Variants in UBE2R2 observed in about 807,000 individuals in gnomAD.
UBE2R2 encodes the protein ubiquitin conjugating enzyme E2 R2.
In UBE2R2, 1 loss-of-function variant was observed where a neutral mutation model predicts 27.8. The observed-to-expected ratio is 0.04, with a 90% CI of 0.01 to 0.17. The LOEUF (loss-of-function observed/expected upper bound fraction) is 0.17, where lower values mean the gene tolerates loss of function less well. UBE2R2 is among the 10% of genes least tolerant of loss of function. The pLI is 1.00. For synonymous variants in UBE2R2, 106 were observed against 113.3 expected, an observed-to-expected ratio of 0.94 and a Z score of 0.41; for missense variants, 100 against 291.0, an observed-to-expected ratio of 0.34 and a Z score of 4.78.
chr9:33,835,152 T>G (rs1003985651), intron 1 of UBE2R2, among the ~76,000 whole-genome samples: 1 of 148,690 alleles, frequency 6.7e-6, no homozygotes, highest in Non-Finnish European at 1.5e-5. Flanking sequence ...TAGGTTTTTT[T>G]TTTTTTTTTT....
Position 33,840,044 on chromosome 9 carries a change from T to C in UBE2R2, c.177+22110T>C, listed in dbSNP as rs529242791. On this transcript the variant is annotated intron_variant, in intron 1 of 4. Transcript: ENST00000263228. ...TTATAAGCCACCCAGTTTATGACTT[T>C]TGGTATAGCAGCTTGAATGAACTAA... 3.9e-5 allele frequency among the ~76,000 whole-genome samples: 6 copies of C among 152,326 alleles called. No individual in the cohort carries two copies. In the East Asian group the frequency reaches 1.2e-3, roughly 29 times the overall value.
In UBE2R2 at chr9:33,912,027, C is replaced by T. The variant is rs192077739; in HGVS notation, c.426C>T (p.Val142=). Residue 142 remains valine, a synonymous_variant, in exon 4 of 5, where the codon GTC becomes GTT. Transcript: ENST00000263228. The part of the protein sequence containing the change: ...NEPNTFSPAN[V]DASVMFRKWR... ...CCAACACCTTCTCCCCAGCCAATGTCGATGCTTCAGTTATGTTCAGGAAAT... is the reference window on the plus strand; with the variant it reads ...CCAACACCTTCTCCCCAGCCAATGTTGATGCTTCAGTTATGTTCAGGAAAT... 37 of 1,613,270 alleles carry T rather than the reference C, an allele frequency of 2.3e-5. No individual in the cohort carries two copies. The highest frequency in any genetic ancestry group is 9.9e-5 in the South Asian group (9 of 91,040).
chr9:33,916,700 C>T (rs1181798664), intron 4 of UBE2R2, among the ~76,000 whole-genome samples: 1 of 152,226 alleles, frequency 6.6e-6, no homozygotes, highest in African/African-American at 2.4e-5. Context: ...ATTCTTAAGT[C>T]GCCGACCTAT....
At chr9:33,893,982 T>G (rs991915230) in intron 2 of UBE2R2, among the ~76,000 whole-genome samples, 13 of 152,124 alleles carry the variant, frequency 8.5e-5, no homozygotes, top group African/African-American at 3.1e-4. Flanking sequence ...TTCCTGTTAG[T>G]GCTGGGATTA....
intron 1 of UBE2R2, among the ~76,000 whole-genome samples, chr9:33,839,885 A>ACCCC (rs900591281): frequency 6.6e-6 from 1 of 152,022 alleles, no homozygotes; most frequent in African/African-American, 2.4e-5. Context: ...AATCTTAGCT[A>ACCCC]CTTGGGAGGC....
At chr9:33,822,036 T>TA (rs929651938) in intron 1 of UBE2R2, among the ~76,000 whole-genome samples, 34 of 152,052 alleles carry the variant, frequency 2.2e-4, no homozygotes, top group African/African-American at 7.7e-4. Flanking sequence ...GTTGTATACT[T>TA]AAAGTTTTCC....
At chr9:33,867,177 C>T (rs767275242) in intron 1 of UBE2R2, among the ~76,000 whole-genome samples, 5 of 152,068 alleles carry the variant, frequency 3.3e-5, no homozygotes, top group African/African-American at 7.2e-5. Flanking sequence ...CGTGAACCAC[C>T]GTGCCCGGCC....
chr9:33,902,236 G>T (rs1322067471), intron 3 of UBE2R2, among the ~76,000 whole-genome samples: 1 of 152,064 alleles, frequency 6.6e-6, no homozygotes, highest in Non-Finnish European at 1.5e-5. Flanking sequence ...TTTTTGTAAA[G>T]ATGGGGTCTC....
rs1281513364 is a variant in UBE2R2, at chr9:33,850,174, T to C, written c.177+32240T>C. 3.3e-5 allele frequency among the ~76,000 whole-genome samples: 5 copies of C among 152,166 alleles called. No homozygotes were observed. In the East Asian group the frequency reaches 7.7e-4, roughly 23 times the overall value. On this transcript the variant is annotated intron_variant, in intron 1 of 4. Coordinates refer to ENST00000263228, the MANE Select transcript of UBE2R2 (RefSeq NM_017811.4). ...TGGGGCATGGCAAGCAGAAACTAAATATGCTATCAGAACAAGAATTTTGGA... is the reference window on the plus strand; with the variant it reads ...TGGGGCATGGCAAGCAGAAACTAAACATGCTATCAGAACAAGAATTTTGGA...
chr9:33,827,391 A>G (rs1044314147), intron 1 of UBE2R2, among the ~76,000 whole-genome samples: 1 of 152,244 alleles, frequency 6.6e-6, no homozygotes, highest in Admixed American at 6.5e-5. Flanking sequence ...CTGTAATCCC[A>G]GCACTTTGGG....
Position 33,817,711 on chromosome 9 carries a change from G to A in UBE2R2, c.-47G>A. ...GCCTGGTCCGGCCCGGCCGGTGCGT[G>A]AGGACTGGGGCCCGGGCCCGGCGCC... is the stretch of plus-strand genomic sequence containing the variant. On this transcript the variant is annotated 5_prime_UTR_variant, in exon 1 of 5. Coordinates refer to ENST00000263228, the MANE Select transcript of UBE2R2 (RefSeq NM_017811.4). The A allele has an allele frequency of 2.1e-6, 3 of 1,410,978 alleles. No individual in the cohort carries two copies. The highest frequency in any genetic ancestry group is 2.8e-6 in the Non-Finnish European group (3 of 1,082,830). The allele number at this position is 1,410,978 out of a possible 1,614,324, so 87.4% of individuals were successfully genotyped here.
At chr9:33,823,722 G>T (rs1367214084) in intron 1 of UBE2R2, among the ~76,000 whole-genome samples, 1 of 152,138 alleles carries the variant, frequency 6.6e-6, no homozygotes, top group Non-Finnish European at 1.5e-5. Flanking sequence ...TTGAGACAGG[G>T]ATTCTTTTGA....
chr9:33,895,765 TCTC>T (rs796374587), intron 2 of UBE2R2, among the ~76,000 whole-genome samples: 2,114 of 128,288 alleles, frequency 0.016, 70 homozygotes, highest in African/African-American at 0.059. Flanking sequence ...TCTCTCTCTC[TCTC>T]TTTTTTTTTT....
chr9:33,895,287 T>G (rs972320169), intron 2 of UBE2R2, among the ~76,000 whole-genome samples: 3 of 152,234 alleles, frequency 2.0e-5, no homozygotes, highest in African/African-American at 7.2e-5. Flanking sequence ...GTTGTCCCAC[T>G]ACCATTTATT....
chr9:33,854,845 GGTA>G (rs1743959067), intron 1 of UBE2R2, among the ~76,000 whole-genome samples: 1 of 151,224 alleles, frequency 6.6e-6, no homozygotes, highest in African/African-American at 2.4e-5. Flanking sequence ...TAGCCTCCTG[GGTA>G]GCTGGGACTA....
chr9:33,858,352 A>G (rs10971743), intron 1 of UBE2R2, among the ~76,000 whole-genome samples: 30,028 of 152,166 alleles, frequency 0.2, 3,248 homozygotes, highest in South Asian at 0.33. Context: ...GTAGAGAACA[A>G]TAAGTGTATT....
chr9:33,897,244 G>C (rs527674872), intron 2 of UBE2R2, among the ~76,000 whole-genome samples: 74 of 149,950 alleles, frequency 4.9e-4, no homozygotes, highest in African/African-American at 1.7e-3. Flanking sequence ...CACCATGTTA[G>C]CCAGGATGGT....
intron 1 of UBE2R2, among the ~76,000 whole-genome samples, chr9:33,851,251 C>A (rs186698144): frequency 6.6e-6 from 1 of 152,290 alleles, no homozygotes; most frequent in African/African-American, 2.4e-5. Flanking sequence ...AGTTGCCAAC[C>A]TCTGATAGTT....
At chr9:33,816,840 T>C (rs1825774944), upstream of UBE2R2, among the ~76,000 whole-genome samples, 2 of 152,166 alleles carry the variant, frequency 1.3e-5, no homozygotes, top group South Asian at 2.1e-4. Context: ...CGGGCACGCC[T>C]TTGGAACTGC....
Sources: allele counts gnomAD v4.1 joint callset (sites outside exome capture counted in the v4.1 genomes callset), GRCh38; gene constraint gnomAD v4.1.1; transcripts MANE v1.5; gene names NCBI Gene and HGNC (gene_info 2026-07-23, HGNC 2026-07-21).